Variants in TRIM14 observed in about 807,000 individuals in gnomAD.
The protein encoded by TRIM14 is tripartite motif-containing protein 14.
In TRIM14, 28 loss-of-function variants were observed where a neutral mutation model predicts 44.5. That is an observed-to-expected ratio of 0.63 (90% confidence interval 0.47 to 0.86). TRIM14 has a LOEUF of 0.86. Ranked by LOEUF, TRIM14 falls within the 40% of genes least tolerant of loss-of-function variation. The pLI is 0.00. For missense variants in TRIM14, 607 were observed against 611.1 expected (o/e 0.99, Z 0.07); for synonymous variants, 299 against 269.2 (o/e 1.11, Z -1.08).
chr9:98,078,957 A>G (rs774026261), intron 6 of TRIM14, among the ~76,000 whole-genome samples: 1 of 151,908 alleles, frequency 6.6e-6, no homozygotes, highest in Non-Finnish European at 1.5e-5. Context: ...CTTTTTTCAT[A>G]CTGAGTTATA....
the TRIM14 span, among the ~76,000 whole-genome samples, chr9:98,049,583 G>A: frequency 2.0e-5 from 3 of 152,066 alleles, no homozygotes; most frequent in African/African-American, 7.3e-5. Flanking sequence ...TGGCACTGAT[G>A]GGAGTGTCTT....
At chr9:98,043,142 TTACTC>T in the TRIM14 span, among the ~76,000 whole-genome samples, 4 of 152,000 alleles carry the variant, frequency 2.6e-5, no homozygotes, top group South Asian at 8.3e-4. Context: ...ACCTGTTTCT[TTACTC>T]TAGGGAATTG....
At chr9:98,117,959 GGCAGGGAC>G (rs1406330625) in intron 1 of TRIM14, among the ~76,000 whole-genome samples, 2 of 152,122 alleles carry the variant, frequency 1.3e-5, no homozygotes, top group Admixed American at 6.5e-5. Flanking sequence ...AGGGTCTGGT[GGCAGGGAC>G]AGGTCTTGAG....
chr9:98,055,094 A>T, the TRIM14 span, among the ~76,000 whole-genome samples: 2 of 152,136 alleles, frequency 1.3e-5, no homozygotes, highest in Non-Finnish European at 2.9e-5. Context: ...ATCTCAGCTC[A>T]CTGCAACCTC....
At chr9:98,075,092 G>C (rs1000260111) in intron 6 of TRIM14, 5 of 151,728 alleles carry the variant, frequency 3.3e-5, no homozygotes, top group African/African-American at 1.2e-4. Flanking sequence ...AACTGCTTGA[G>C]GTCAGGAGTT....
intron 5 of TRIM14, among the ~76,000 whole-genome samples, chr9:98,088,740 G>A (rs1190505444): frequency 6.6e-6 from 1 of 152,146 alleles, no homozygotes; most frequent in African/African-American, 2.4e-5. Context: ...ACATTTTTAC[G>A]TATCTGATTG....
intron 1 of TRIM14, among the ~76,000 whole-genome samples, chr9:98,114,760 A>T (rs1393761255): frequency 6.6e-6 from 1 of 152,226 alleles, no homozygotes; most frequent in Non-Finnish European, 1.5e-5. Context: ...AACTTCAGAG[A>T]TCTTACCATT....
the TRIM14 span, chr9:98,061,093 G>A: frequency 8.4e-7 from 1 of 1,192,164 alleles, no homozygotes; most frequent in Non-Finnish European, 1.2e-6. Context: ...TCCAGCCCTT[G>A]CTCATCCTTT....
At chr9:98,038,978 A>G in the TRIM14 span, among the ~76,000 whole-genome samples, 2 of 151,836 alleles carry the variant, frequency 1.3e-5, no homozygotes, top group African/African-American at 4.8e-5. Flanking sequence ...TGAACCCAGG[A>G]GGCAGAGGTT....
downstream of TRIM14, chr9:98,082,191 G>A (rs898282141): frequency 1.2e-4 from 19 of 152,142 alleles, no homozygotes; most frequent in African/African-American, 4.3e-4. Flanking sequence ...CCCCTTCCTC[G>A]GGGGCTCCTT....
chr9:98,088,333 G>C (rs1244609307), intron 5 of TRIM14, among the ~76,000 whole-genome samples: 4 of 147,056 alleles, frequency 2.7e-5, no homozygotes, highest in African/African-American at 1.0e-4. Context: ...CCCTCCCCTT[G>C]CTGCTTTATA....
Position 98,087,966 on chromosome 9 carries a change from G to C in TRIM14, c.833C>G (p.Ala278Gly), listed in dbSNP as rs1232936488. ...GCGATCGGCGGACAGGCGCAGGCGCGCGTGCATCGTGTCAGGATCCAGCGT... is the reference window on the plus strand; with the variant it reads ...GCGATCGGCGGACAGGCGCAGGCGCCCGTGCATCGTGTCAGGATCCAGCGT... ...TPTLDPDTMHARLRLSADRLT... is the reference protein window; with the variant it reads ...TPTLDPDTMHGRLRLSADRLT... Residue 278 changes from alanine to glycine, a missense_variant, in exon 6 of 6, where the codon GCG (alanine) becomes GGG (glycine). Ala to Gly is a moderately conservative substitution (Grantham distance 60). This residue lies in a region of TRIM14 where 356 missense variants were observed against 323.0 expected (regional missense o/e 1.10). Coordinates refer to ENST00000341469, the MANE Select transcript of TRIM14 (RefSeq NM_014788.4). 5 of 1,561,214 alleles carry C rather than the reference G, an allele frequency of 3.2e-6. No individual in the cohort carries two copies. Among genetic ancestry groups the C allele is most frequent in the Non-Finnish European group, 4.3e-6 (5 of 1,164,656 alleles).
the TRIM14 span, chr9:98,056,813 CGCTGGA>C: frequency 2.0e-5 from 33 of 1,610,690 alleles, no homozygotes; most frequent in African/African-American, 3.5e-4. Flanking sequence ...GCTGCAATGC[CGCTGGA>C]GCTGGAGCTG....
chr9:98,051,080 C>T, the TRIM14 span, among the ~76,000 whole-genome samples: 1 of 152,138 alleles, frequency 6.6e-6, no homozygotes, highest in Non-Finnish European at 1.5e-5. Context: ...GGCATGGTTG[C>T]ACATTTCTTT....
chr9:98,064,415 G>A (rs1038838119), downstream of TRIM14, among the ~76,000 whole-genome samples: 4 of 151,862 alleles, frequency 2.6e-5, no homozygotes, highest in East Asian at 1.9e-4. Flanking sequence ...CACCACACAC[G>A]GCTAGTTTTT....
intron 4 of TRIM14, chr9:98,092,558 A>C (rs1195054814): frequency 6.1e-6 from 2 of 328,894 alleles, no homozygotes; most frequent in South Asian, 2.3e-5. Flanking sequence ...GCCTGTAGAG[A>C]TCTGTGGGAA....
At chr9:98,061,507 C>T in the TRIM14 span, among the ~76,000 whole-genome samples, 8 of 145,664 alleles carry the variant, frequency 5.5e-5, no homozygotes, top group South Asian at 2.2e-4. Context: ...AAAGGCCAGG[C>T]GCGGTGTCTC....
the TRIM14 span, among the ~76,000 whole-genome samples, chr9:98,061,598 G>A: frequency 6.0e-5 from 9 of 150,654 alleles, no homozygotes; most frequent in African/African-American, 2.2e-4. Context: ...TGGCCAACAT[G>A]GTGAAACCCT....
chr9:98,072,451 G>A lies in TRIM14; in HGVS notation c.*29-2764C>T, dbSNP rs368442762. Among the ~76,000 whole-genome samples, 136 of 150,382 alleles carry A rather than the reference G, an allele frequency of 9.0e-4. 1 individual carries two copies. Among genetic ancestry groups the A allele is most frequent in the African/African-American group, 3.1e-3 (128 of 40,824 alleles). On this transcript the variant is annotated intron_variant, in intron 6 of 6. Transcript: ENST00000375098. The stretch of plus-strand genomic sequence containing the variant: ...TTTTGAGACGGAGTCTCGCTGTGTC[G>A]CCCAAGCTGGAGTGCAGTTGCGCAA...
Sources: gnomAD v4.1 joint callset for allele counts (sites outside exome capture counted in the v4.1 genomes callset) on GRCh38, gnomAD v4.1.1 for gene constraint, gnomAD v4.1.1 regional missense constraint, MANE v1.5 for transcripts, NCBI Gene and HGNC (gene_info 2026-07-23, HGNC 2026-07-21) for gene names.